Variants in DNAJA2 observed in about 807,000 individuals in gnomAD.
DNAJA2 encodes the protein dnaJ homolog subfamily A member 2.
A neutral mutation model predicts 49.3 loss-of-function variants in DNAJA2; 6 were observed. The ratio of observed to expected loss-of-function variants is 0.12; its 90% CI spans 0.07 to 0.24. The LOEUF is 0.24. DNAJA2 is among the 10% of genes least tolerant of loss of function. The pLI, the probability that DNAJA2 is intolerant of heterozygous loss-of-function variation, is 1.00. For synonymous variants in DNAJA2, 160 were observed against 172.7 expected, an observed-to-expected ratio of 0.93 and a Z score of 0.58; for missense variants, 347 against 516.8, an observed-to-expected ratio of 0.67 and a Z score of 3.19.
chr16:46,959,296 G>A lies in DNAJA2; in HGVS notation c.898C>T (p.Pro300Ser), dbSNP rs766369059. Residue 300 changes from proline (P) to serine (S), a missense_variant, in exon 7 of 9, where the codon CCT becomes TCT. Physicochemically the swap from Pro to Ser is moderately conservative, Grantham distance 74. Transcript: ENST00000317089. ...DGRQIVVKYP[P>S]GKVIEPGCVR... Reference sequence around the variant, plus strand: ...TTACCTGGTTCAATTACTTTGCCAGGGGGGTATTTCACCACAATCTGACGT... The same window carrying A: ...TTACCTGGTTCAATTACTTTGCCAGAGGGGTATTTCACCACAATCTGACGT... The A allele has an allele frequency of 6.2e-7, 1 of 1,613,600 alleles. No homozygotes were observed. Among genetic ancestry groups the A allele is most frequent in the Non-Finnish European group, 8.5e-7 (1 of 1,179,876 alleles).
At position 46,973,589 on chromosome 16, in the gene DNAJA2, G is replaced by T; in HGVS notation, c.-17C>A. 6.3e-7 allele frequency: 1 copy of T among 1,589,956 alleles called. No homozygotes were observed. On this transcript the variant is annotated 5_prime_UTR_variant, in exon 1 of 9. It adds an upstream start codon to the 5' untranslated region. Transcript: ENST00000317089. ...GTTAGCCATGGCGGCCGGCCGGGCA[G>T]TGCTCGGGGAGAAGGTGGCGAAGCA...
intron 8 of DNAJA2, 70 bp downstream of exon 8, chr16:46,958,933 C>G: frequency 6.6e-7 from 1 of 1,519,258 alleles, no homozygotes; most frequent in Non-Finnish European, 8.8e-7. Context: ...GACAGAGACC[C>G]TGTCTAAAAA....
At position 46,973,622 on chromosome 16, in the gene DNAJA2, C is replaced by T. The variant is rs1292464884; in HGVS notation, c.-50G>A. 1.3e-6 allele frequency: 2 copies of T among 1,564,662 alleles called. No homozygotes were observed. Among genetic ancestry groups the T allele is most frequent in the East Asian group, 2.4e-5 (1 of 41,608 alleles). On this transcript the variant is annotated 5_prime_UTR_variant, in exon 1 of 9. Coordinates refer to ENST00000317089, the MANE Select transcript of DNAJA2 (RefSeq NM_005880.4). ...GGAGAAGGTGGCGAAGCAGACAGAG[C>T]GGAGTCGGGCCCACAAGCGGCGTCG...
chr16:46,970,362 G>A (rs144484417), intron 3 of DNAJA2, among the ~76,000 whole-genome samples: 8 of 152,342 alleles, frequency 5.3e-5, no homozygotes, highest in African/African-American at 1.9e-4. Flanking sequence ...ATCAAGTAAT[G>A]AGTGACTCTA....
chr16:46,957,829 A>AG (rs1169840080), intron 8 of DNAJA2, among the ~76,000 whole-genome samples: 1 of 152,102 alleles, frequency 6.6e-6, no homozygotes, highest in Non-Finnish European at 1.5e-5. Flanking sequence ...CTTACGATAA[A>AG]GGGGTAGTGG....
At position 46,955,728 on chromosome 16, in the gene DNAJA2, G is replaced by T. The variant is rs1000869647; in HGVS notation, c.*1301C>A. On this transcript the variant is annotated 3_prime_UTR_variant, in exon 9 of 9. Transcript: ENST00000317089. The stretch of plus-strand genomic sequence containing the variant: ...TTTATAAATGTAAAATTGTGCATCT[G>T]ATGTCTCTTTCCTCAAATAAGTGTG... The T allele has an allele frequency of 6.6e-6, 1 of 152,126 alleles. No individual in the cohort carries two copies. The highest frequency in any genetic ancestry group is 1.5e-5 in the Non-Finnish European group (1 of 68,016). The allele number at this position is 152,126 out of a possible 1,614,324, so 9.4% of individuals were successfully genotyped here. A position where few individuals can be genotyped will look rare whatever the true frequency, so the allele number is the denominator to read the frequency against.
In DNAJA2 at chr16:46,968,181, C is replaced by A; in HGVS notation, c.363-17G>T. On this transcript the variant is annotated splice_polypyrimidine_tract_variant and intron_variant, in intron 3 of 8. Coordinates refer to ENST00000317089, the MANE Select transcript of DNAJA2 (RefSeq NM_005880.4). ...AAAGATACTCTGGAAAGAAAAGAAT[C>A]GGCTTCAATCAAATTTTGCCACATT... 4 of 1,562,658 alleles carry A rather than the reference C, an allele frequency of 2.6e-6. No individual in the cohort carries two copies. Among genetic ancestry groups the A allele is most frequent in the Non-Finnish European group, 3.5e-6 (4 of 1,157,792 alleles).
rs1961795329 is a variant in DNAJA2, at chr16:46,955,421, T to C, written c.*1608A>G. 6.6e-6 allele frequency: 1 copy of C among 152,242 alleles called. No individual in the cohort carries two copies. The highest frequency in any genetic ancestry group is 2.4e-5 in the African/African-American group (1 of 41,470). The allele number at this position is 152,242 out of a possible 1,614,324, so 9.4% of individuals were successfully genotyped here. A position where few individuals can be genotyped will look rare whatever the true frequency, so the allele number is the denominator to read the frequency against. ...AACTTTATATTGCCACCACATTTCTTATGTTTAAAGTGGTTGTGGGGAAGT... is the reference window on the plus strand; with the variant it reads ...AACTTTATATTGCCACCACATTTCTCATGTTTAAAGTGGTTGTGGGGAAGT... On this transcript the variant is annotated 3_prime_UTR_variant, in exon 9 of 9. Coordinates refer to ENST00000317089, the MANE Select transcript of DNAJA2 (RefSeq NM_005880.4).
chr16:46,968,392 C>G (rs1225870987), intron 3 of DNAJA2, among the ~76,000 whole-genome samples: 3 of 152,174 alleles, frequency 2.0e-5, no homozygotes, highest in African/African-American at 7.2e-5. Context: ...AAGCCAGAGC[C>G]TATAGCATCA....
At chr16:46,971,305 CAAAA>C in intron 3 of DNAJA2, 40 bp downstream of exon 3, 1 of 1,562,870 alleles carries the variant, frequency 6.4e-7, no homozygotes, top group Non-Finnish European at 8.7e-7. Context: ...TCCCACTTGA[CAAAA>C]AGTACTTAAT....
rs1961796132 is a variant in DNAJA2 at position 46,955,493 on chromosome 16, G to C, written c.*1536C>G. Reference sequence around the variant, plus strand: ...ATGCTGTTGAATCTTACCCAGGCTTGTTGTAAAATATTTTTTGTACAATGG... The same window carrying C: ...ATGCTGTTGAATCTTACCCAGGCTTCTTGTAAAATATTTTTTGTACAATGG... On this transcript the variant is annotated 3_prime_UTR_variant, in exon 9 of 9. Transcript: ENST00000317089. The C allele has an allele frequency of 6.6e-6, 1 of 152,192 alleles. No homozygotes were observed. Among genetic ancestry groups the C allele is most frequent in the African/African-American group, 2.4e-5 (1 of 41,450 alleles). 9.4% of individuals were successfully genotyped at this position (152,192 alleles called of 1,614,324 possible). A position where few individuals can be genotyped will look rare whatever the true frequency, so the allele number is the denominator to read the frequency against.
chr16:46,959,133 ATTAT>A lies in DNAJA2; in HGVS notation c.920-7_920-4del, dbSNP rs767723759. The A allele has an allele frequency of 1.6e-5, 26 of 1,595,722 alleles. No individual in the cohort carries two copies. The highest frequency in any genetic ancestry group is 5.3e-5 in the Admixed American group (3 of 56,650). ...ACCTCGAACTACACGAACACACCCT[ATTAT>A]TTAAGAGGAAATGATTAATAATTTT... On this transcript the variant is annotated splice_polypyrimidine_tract_variant and splice_region_variant and intron_variant, in intron 7 of 8. Transcript: ENST00000317089.
At chr16:46,965,380 G>A (rs1961954116) in intron 5 of DNAJA2, among the ~76,000 whole-genome samples, 1 of 152,164 alleles carries the variant, frequency 6.6e-6, no homozygotes, top group African/African-American at 2.4e-5. Context: ...GCAAAACCGT[G>A]ATTATACATA....
chr16:46,962,863 G>A (rs1389921423), intron 6 of DNAJA2, among the ~76,000 whole-genome samples: 1 of 152,160 alleles, frequency 6.6e-6, no homozygotes, highest in Non-Finnish European at 1.5e-5. Flanking sequence ...GATCAAGTCT[G>A]ACCTTGTGAG....
rs1276373730 is a variant in DNAJA2 at position 46,971,915 on chromosome 16, T to G, written c.119A>C (p.Asn40Thr). The change falls in exon 2 of 9, where the codon AAT becomes ACT. Residue 40 changes from asparagine (N) to threonine (T), a missense_variant. Transcript: ENST00000317089. ...ACTTACTTTGTCTCCTGCATTTGGA[T>G]TCTTATCAGGATGATATTCCTTGGC... is the stretch of plus-strand genomic sequence containing the variant. ...KLAKEYHPDKNPNAGDKFKEI... is the reference protein window; with the variant it reads ...KLAKEYHPDKTPNAGDKFKEI... The G allele has an allele frequency of 1.2e-6, 2 of 1,613,198 alleles. No homozygotes were observed. Among genetic ancestry groups the G allele is most frequent in the Non-Finnish European group, 8.5e-7 (1 of 1,179,354 alleles).
Position 46,964,704 on chromosome 16 carries a change from A to G in DNAJA2, c.681T>C (p.His227=). 2 of 1,614,112 alleles carry G rather than the reference A, an allele frequency of 1.2e-6. No homozygotes were observed. The highest frequency in any genetic ancestry group is 1.7e-6 in the Non-Finnish European group (2 of 1,180,014). ...LEVHVDKGMK[H]GQRITFTGEA... Reference sequence around the variant, plus strand: ...CCCCAGTGAATGTAATTCTCTGTCCATGTTTCATGCCTTTGTCTACGTGGA... The same window carrying G: ...CCCCAGTGAATGTAATTCTCTGTCCGTGTTTCATGCCTTTGTCTACGTGGA... The change falls in exon 6 of 9, where the codon CAT becomes CAC. Residue 227 remains histidine, a synonymous_variant. Coordinates refer to ENST00000317089, the MANE Select transcript of DNAJA2 (RefSeq NM_005880.4).
At chr16:46,964,079 C>A (rs893002701) in intron 6 of DNAJA2, among the ~76,000 whole-genome samples, 25 of 151,934 alleles carry the variant, frequency 1.6e-4, no homozygotes, top group African/African-American at 2.2e-4. Context: ...CACACACACA[C>A]AAAAAAGACC....
rs570719544 is a variant in DNAJA2, at chr16:46,967,718, T to C, written c.444-72A>G. On this transcript the variant is annotated intron_variant, in intron 4 of 8. Transcript: ENST00000317089. ...TCCAATAAGCTATGACACACAGAAATTGTGCTTTTACCTTCATCTTCAACC... is the reference window on the plus strand; with the variant it reads ...TCCAATAAGCTATGACACACAGAAACTGTGCTTTTACCTTCATCTTCAACC... 17 of 1,592,168 alleles carry C rather than the reference T, an allele frequency of 1.1e-5. No homozygotes were observed. In the African/African-American group the frequency reaches 1.9e-4, roughly 18 times the overall value.
chr16:46,967,483 A>G (rs1475921834), intron 5 of DNAJA2, 30 bp downstream of exon 5: 1 of 1,612,844 alleles, frequency 6.2e-7, no homozygotes, highest in Non-Finnish European at 8.5e-7. Flanking sequence ...CCATTCCAAC[A>G]TAAAAGCAGA....
Sources: allele counts gnomAD v4.1 joint callset (sites outside exome capture counted in the v4.1 genomes callset), GRCh38; gene constraint gnomAD v4.1.1; transcripts MANE v1.5; gene names NCBI Gene and HGNC (gene_info 2026-07-23, HGNC 2026-07-21).